The following TCF20 variants were observed in gnomAD, a reference collection of about 807,000 sequenced individuals.
The protein encoded by TCF20 is SPRE-binding protein.
A neutral mutation model predicts 148.6 loss-of-function variants in TCF20; 3 were observed. That is an observed-to-expected ratio of 0.02 (90% confidence interval 0.01 to 0.05). TCF20 has a LOEUF of 0.05. Ranked by LOEUF, TCF20 falls within the 10% of genes least tolerant of loss-of-function variation. The pLI, the probability that TCF20 is intolerant of heterozygous loss-of-function variation, is 1.00. For missense variants in TCF20, 2,350 were observed against 2,429.3 expected, an observed-to-expected ratio of 0.97 and a Z score of 0.69; for synonymous variants, 1,049 against 909.5, an observed-to-expected ratio of 1.15 and a Z score of -2.76.
chr22:42,164,476 G>A lies in TCF20; in HGVS notation c.*45-3118C>T, dbSNP rs141897103. Among the ~76,000 whole-genome samples, 80 of 151,988 alleles carry A rather than the reference G, an allele frequency of 5.3e-4. 1 individual carries two copies. The highest frequency in any genetic ancestry group is 1.9e-3 in the African/African-American group (78 of 41,428). On this transcript the variant is annotated intron_variant, in intron 5 of 5. Transcript: ENST00000677622. ...GATCTCCTGACCTCGTGATCTGCCC[G>A]CCTCCCAAAGTGCTGGGATTATAGG...
At chr22:42,170,164 T>G (rs1336338874) in intron 3 of TCF20, among the ~76,000 whole-genome samples, 1 of 151,774 alleles carries the variant, frequency 6.6e-6, no homozygotes, top group Non-Finnish European at 1.5e-5. Context: ...TGTACAAATG[T>G]ATAAATGTGC....
chr22:42,199,576 A>G (rs1044464903), intron 2 of TCF20, among the ~76,000 whole-genome samples: 4 of 151,964 alleles, frequency 2.6e-5, no homozygotes, highest in Non-Finnish European at 4.4e-5. Flanking sequence ...AATTATTTTA[A>G]AAGTCTAAAC....
In TCF20 at chr22:42,341,565, C is replaced by T. The variant is rs539881685; in HGVS notation, c.-37+1914G>A. Among the ~76,000 whole-genome samples, 143 of 152,208 alleles carry T rather than the reference C, an allele frequency of 9.4e-4. 2 individuals are homozygous for T. The South Asian group carries it at 0.028, about 30-fold the overall frequency. ...GGGCATCCTGCTCACAGGCAGAAGA[C>T]CCCCAAGGAAGCAGGAGGCTTCTGA... On this transcript the variant is annotated intron_variant, in intron 1 of 1. Transcript: ENST00000515426.
chr22:42,295,833 T>A (rs1450656172), intron 1 of TCF20, among the ~76,000 whole-genome samples: 1 of 152,090 alleles, frequency 6.6e-6, no homozygotes, highest in Non-Finnish European at 1.5e-5. Context: ...ACTCCCCACC[T>A]CAGCAGCAGA....
Position 42,213,599 on chromosome 22 carries a change from G to C in TCF20, c.1707C>G (p.Pro569=), listed in dbSNP as rs1419530475. Residue 569 remains proline (P), a synonymous_variant, in exon 2 of 6, where the codon CCC becomes CCG. Transcript: ENST00000677622. ...SPAQGAQNEP[P]RLNASPAARE... is the part of the protein sequence containing the mutation. ...TTGCGGCAGGACTAGCATTGAGTCT[G>C]GGGGGTTCATTCTGAGCACCTTGTG... The C allele has an allele frequency of 6.2e-7, 1 of 1,613,954 alleles. No homozygotes were observed.
At chr22:42,242,661 C>T (rs1393083692) in intron 1 of TCF20, among the ~76,000 whole-genome samples, 3 of 151,978 alleles carry the variant, frequency 2.0e-5, no homozygotes, top group Non-Finnish European at 2.9e-5. Context: ...CTGAGGCACG[C>T]GGATCACCTG....
intron 5 of TCF20, among the ~76,000 whole-genome samples, chr22:42,167,727 T>G (rs1935875276): frequency 6.6e-6 from 1 of 152,056 alleles, no homozygotes; most frequent in Admixed American, 6.5e-5. Context: ...ACAAGAATTT[T>G]TTTTCTTTTT....
intron 1 of TCF20, among the ~76,000 whole-genome samples, chr22:42,251,489 TG>T (rs1925360656): frequency 1.5e-5 from 2 of 129,816 alleles, no homozygotes; most frequent in South Asian, 5.2e-4. Context: ...GCCAAACAAG[TG>T]TCTTTTTTTT....
intron 1 of TCF20, among the ~76,000 whole-genome samples, chr22:42,327,838 T>C (rs998521208): frequency 6.6e-6 from 1 of 150,722 alleles, no homozygotes; most frequent in Admixed American, 6.6e-5. Flanking sequence ...TGCCCTCAGA[T>C]CCTCTTGCTC....
At chr22:42,287,566 C>G (rs889945542), upstream of TCF20, among the ~76,000 whole-genome samples, 2 of 152,200 alleles carry the variant, frequency 1.3e-5, no homozygotes, top group African/African-American at 4.8e-5. Flanking sequence ...CTGTTCCCGG[C>G]ACTGAGGAGT....
intron 1 of TCF20, among the ~76,000 whole-genome samples, chr22:42,320,571 G>A (rs1927714274): frequency 3.3e-5 from 5 of 152,156 alleles, no homozygotes; most frequent in Admixed American, 3.3e-4. Context: ...CTCTCCCCTA[G>A]CACTTCATCT....
rs753634299 is a variant in TCF20 at position 42,210,997 on chromosome 22, A to G, written c.4309T>C (p.Trp1437Arg). Residue 1437 changes from tryptophan (W) to arginine (R), a missense_variant, in exon 2 of 6, where the codon TGG becomes CGG. This residue lies in a region of TCF20 where 231 missense variants were observed against 213.7 expected (regional missense o/e 1.08). Coordinates refer to ENST00000677622, the MANE Select transcript of TCF20 (RefSeq NM_001378418.1). This position sits in a 1 kb window ranked among gnomAD's most constrained non-coding sequence, Gnocchi z 4.7. ...ACTTTGTCATCCACGCTGCCACGCC[A>G]CTCTTCTGAAGACCTTGGAAGAGGT... ...EKPLPRSSEE[W>R]RGSVDDKVKT... 3 of 1,613,524 alleles carry G rather than the reference A, an allele frequency of 1.9e-6. No individual in the cohort carries two copies. The highest frequency in any genetic ancestry group is 4.5e-5 in the East Asian group (2 of 44,840).
rs778349008 is a variant in TCF20, at chr22:42,212,859, T to C, written c.2447A>G (p.His816Arg). 1.9e-6 allele frequency: 3 copies of C among 1,614,194 alleles called. No homozygotes were observed. In the South Asian group the frequency reaches 3.3e-5, roughly 18 times the overall value. Residue 816 changes from histidine to arginine, a missense_variant, in exon 2 of 6, where the codon CAC becomes CGC. By Grantham distance (29) the His-to-Arg change is conservative (BLOSUM62 0). Around this residue, in one of 7 missense-constraint regions of TCF20, gnomAD observed 1,641 missense variants for 1,662.6 expected, o/e 0.99. Coordinates refer to ENST00000677622, the MANE Select transcript of TCF20 (RefSeq NM_001378418.1). ...TGATTTCCTTTCCCAGGGGCCCCAG[T>C]GGGGATTTTCTAATAGAGACCCAAT... ...KSIGSLLENP[H>R]WGPWERKSSS...
chr22:42,284,180 G>A (rs1048104168), upstream of TCF20, among the ~76,000 whole-genome samples: 1 of 152,244 alleles, frequency 6.6e-6, no homozygotes, highest in East Asian at 1.9e-4. Context: ...CAACTGCGGA[G>A]AGCGCGTGCC....
chr22:42,271,797 T>A (rs1262568905), upstream of TCF20, among the ~76,000 whole-genome samples: 1 of 152,216 alleles, frequency 6.6e-6, no homozygotes, highest in Non-Finnish European at 1.5e-5. Context: ...AAGTTGGGAT[T>A]GGAAAAGTGC....
intron 2 of TCF20, among the ~76,000 whole-genome samples, chr22:42,189,290 T>G (rs1187625593): frequency 6.6e-6 from 1 of 152,174 alleles, no homozygotes; most frequent in Non-Finnish European, 1.5e-5. Context: ...CCTGAGTGTG[T>G]GGCAGTGTAA....
chr22:42,184,361 A>T (rs1936942126), intron 2 of TCF20, among the ~76,000 whole-genome samples: 1 of 152,064 alleles, frequency 6.6e-6, no homozygotes, highest in Non-Finnish European at 1.5e-5. Flanking sequence ...CAACTATCCA[A>T]CATTTGAAAA....
rs758054988 is a variant in TCF20 at position 42,209,731 on chromosome 22, T to C, written c.5575A>G (p.Ile1859Val). The C allele has an allele frequency of 1.2e-5, 19 of 1,614,102 alleles. No individual in the cohort carries two copies. Among genetic ancestry groups the C allele is most frequent in the Non-Finnish European group, 1.5e-5 (18 of 1,180,046 alleles). The change falls in exon 2 of 6, where the codon ATT becomes GTT. Residue 1859 changes from isoleucine to valine, a missense_variant. Physicochemically the swap from Ile to Val is conservative, Grantham distance 29 (BLOSUM62 3). Around this residue, in one of 7 missense-constraint regions of TCF20, gnomAD observed 374 missense variants for 398.3 expected, o/e 0.94. Transcript: ENST00000677622. Reference sequence around the variant, plus strand: ...AGGTAGATTCCATTGGCCCAGAGAATACAACCCTCATGGACCCAAAATTCA... The same window carrying C: ...AGGTAGATTCCATTGGCCCAGAGAACACAACCCTCATGGACCCAAAATTCA... Reference protein sequence around the residue: ...SNEFWVHEGCILWANGIYLVC... With the variant: ...SNEFWVHEGCVLWANGIYLVC...
Position 42,211,956 on chromosome 22 carries a change from T to C in TCF20, c.3350A>G (p.Glu1117Gly). The change falls in exon 2 of 6, where the codon GAG becomes GGG. Residue 1117 changes from glutamate to glycine, a missense_variant. Glu to Gly is a moderately conservative substitution (Grantham distance 98). Transcript: ENST00000677622. The stretch of plus-strand genomic sequence containing the variant: ...CTGCCTTGGACTCTTCCGTGGCCCC[T>C]CCTGCCTGTGCTGTGCTGCAGCAAT... ...GVIAAAQHRQ[E>G]GPRKSPRQQQ... The C allele has an allele frequency of 6.2e-7, 1 of 1,614,182 alleles. No individual in the cohort carries two copies. Among genetic ancestry groups the C allele is most frequent in the Non-Finnish European group, 8.5e-7 (1 of 1,180,030 alleles).
Sources: allele counts gnomAD v4.1 joint callset (sites outside exome capture counted in the v4.1 genomes callset), GRCh38; gene constraint gnomAD v4.1.1; regional missense constraint gnomAD v4.1.1; non-coding constraint Gnocchi (gnomAD v3.1); transcripts MANE v1.5; gene names NCBI Gene and HGNC (gene_info 2026-07-23, HGNC 2026-07-21).